The following MMS19 variants were observed in gnomAD, a reference collection of about 807,000 sequenced individuals.
The protein encoded by MMS19 is MMS19 nucleotide excision repair protein homolog.
In MMS19, 77 loss-of-function variants were observed where a neutral mutation model predicts 129.8. That is an observed-to-expected ratio of 0.59 (90% CI 0.49 to 0.72). The LOEUF (loss-of-function observed/expected upper bound fraction) is 0.72. MMS19 is among the 30% of genes least tolerant of loss of function. The pLI is 0.00. For missense variants in MMS19, 1,168 were observed against 1,266.3 expected, an observed-to-expected ratio of 0.92 and a Z score of 1.18; for synonymous variants, 491 against 502.8, an observed-to-expected ratio of 0.98 and a Z score of 0.31.
At chr10:97,465,617 A>C (rs1387058066) in intron 18 of MMS19, among the ~76,000 whole-genome samples, 188 bp downstream of exon 18, 3 of 152,258 alleles carry the variant, frequency 2.0e-5, no homozygotes, top group African/African-American at 7.2e-5. Flanking sequence ...TACTCTTAAT[A>C]GTACTGTTGC....
At position 97,463,957 on chromosome 10, in the gene MMS19, T is replaced by C. The variant is rs1452607659; in HGVS notation, c.1813A>G (p.Met605Val). 9 of 1,613,178 alleles carry C rather than the reference T, an allele frequency of 5.6e-6. No homozygotes were observed. Among genetic ancestry groups the C allele is most frequent in the Non-Finnish European group, 7.6e-6 (9 of 1,179,590 alleles). Residue 605 changes from methionine (M) to valine (V), a missense_variant, in exon 19 of 31, where the codon ATG (methionine) becomes GTG (valine). Transcript: ENST00000438925. ...VIAVCQSLRQ[M>V]AEKCQQDPES... The stretch of plus-strand genomic sequence containing the variant: ...GGGTCCTGCTGACATTTTTCTGCCA[T>C]CTGTCTGAGGCTCTGACAGACAGCA...
chr10:97,466,977 C>A, intron 14 of MMS19, 76 bp from the exon 15 acceptor site: 2 of 1,558,414 alleles, frequency 1.3e-6, no homozygotes, highest in South Asian at 1.1e-5. Context: ...GATACACAGC[C>A]AACCTGGGGT....
At chr10:97,466,181 G>C (rs1420347104) in intron 16 of MMS19, 22 bp from the exon 17 acceptor site, 1 of 1,544,976 alleles carries the variant, frequency 6.5e-7, no homozygotes, top group Admixed American at 2.0e-5. Flanking sequence ...GAGCAGATAA[G>C]CATTGGCTGA....
intron 25 of MMS19, 109 bp downstream of exon 25, chr10:97,460,586 A>G (rs2031522776): frequency 5.1e-6 from 5 of 971,896 alleles, no homozygotes; most frequent in Admixed American, 2.2e-5. Context: ...AAGAAAAAAG[A>G]AAAGAAAACA....
chr10:97,492,801 G>A (rs2039136960), intron 1 of MMS19, among the ~76,000 whole-genome samples: 1 of 146,926 alleles, frequency 6.8e-6, no homozygotes. Context: ...TAAAGTTGCA[G>A]TGAGCCAAGA....
chr10:97,465,704 G>T, intron 18 of MMS19, 101 bp downstream of exon 18: 2 of 1,167,234 alleles, frequency 1.7e-6, no homozygotes, highest in Non-Finnish European at 2.4e-6. Context: ...TAAAAGAGTT[G>T]ATTCTGTTAC....
upstream of MMS19, chr10:97,498,690 A>C: frequency 2.4e-6 from 1 of 421,468 alleles, no homozygotes; most frequent in Non-Finnish European, 4.3e-6. Flanking sequence ...GAGGGGCGGT[A>C]CGCACCACGG....
intron 1 of MMS19, among the ~76,000 whole-genome samples, chr10:97,486,798 C>T (rs1344463327): frequency 1.4e-5 from 2 of 142,636 alleles, no homozygotes; most frequent in East Asian, 2.0e-4. Flanking sequence ...TTAAGATAAT[C>T]GCCATAAAAA....
At chr10:97,491,333 G>A (rs953266603) in intron 1 of MMS19, among the ~76,000 whole-genome samples, 5 of 152,184 alleles carry the variant, frequency 3.3e-5, no homozygotes, top group African/African-American at 9.7e-5. Flanking sequence ...TGCCAAATAG[G>A]GCCCATTCAG....
intron 1 of MMS19, among the ~76,000 whole-genome samples, chr10:97,493,194 A>G (rs2039221498): frequency 6.6e-6 from 1 of 152,032 alleles, no homozygotes; most frequent in African/African-American, 2.4e-5. Context: ...AGATTTTTGT[A>G]GAGACAAGGT....
rs190083978 is a variant in MMS19, at chr10:97,473,568, C to T, written c.685-2707G>A. Among the ~76,000 whole-genome samples the T allele has an allele frequency of 5.3e-5, 8 of 150,732 alleles. No individual in the cohort carries two copies. In the South Asian group the frequency reaches 1.1e-3, roughly 20 times the overall value. The stretch of plus-strand genomic sequence containing the variant: ...AAAAGGATAAGGGAATCTAGGATGA[C>T]GGTGAAGGAAGAACCAATATCTACT... On this transcript the variant is annotated intron_variant, in intron 8 of 30. Transcript: ENST00000438925.
chr10:97,494,139 G>A (rs188218767), intron 1 of MMS19, among the ~76,000 whole-genome samples: 3 of 152,270 alleles, frequency 2.0e-5, no homozygotes, highest in African/African-American at 4.8e-5. Context: ...CGGTATTTTC[G>A]CTGGTATCAA....
At chr10:97,473,174 T>C (rs7090757) in intron 8 of MMS19, among the ~76,000 whole-genome samples, 33,754 of 151,764 alleles carry the variant, frequency 0.22, 4,036 homozygotes, top group Non-Finnish European at 0.27. Context: ...TAGCTGAGAT[T>C]ACAGGCGCCT....
At chr10:97,475,765 CA>C (rs1349655998) in intron 8 of MMS19, among the ~76,000 whole-genome samples, 1 of 151,906 alleles carries the variant, frequency 6.6e-6, no homozygotes, top group African/African-American at 2.4e-5. Flanking sequence ...CCAAAACAAA[CA>C]AAAAAGAAAC....
Position 97,461,085 on chromosome 10 carries a change from G to A in MMS19, c.2312-78C>T, listed in dbSNP as rs2031747702. The A allele has an allele frequency of 5.1e-6, 6 of 1,185,202 alleles. No homozygotes were observed. The African/African-American group carries it at 6.1e-5, about 12-fold the overall frequency. 73.4% of individuals were successfully genotyped at this position (1,185,202 alleles called of 1,614,324 possible). Reference sequence around the variant, plus strand: ...CAATGAAATGCAAATCACTTTAAGTGCAGAGCTCCCTGAGAAGCTGTTAGA... The same window carrying A: ...CAATGAAATGCAAATCACTTTAAGTACAGAGCTCCCTGAGAAGCTGTTAGA... On this transcript the variant is annotated intron_variant, in intron 23 of 30. Coordinates refer to ENST00000438925, the MANE Select transcript of MMS19 (RefSeq NM_022362.5).
At chr10:97,459,550 G>A in intron 27 of MMS19, 24 bp from the exon 28 acceptor site, 1 of 1,608,578 alleles carries the variant, frequency 6.2e-7, no homozygotes, top group South Asian at 1.1e-5. Context: ...GGCAAGGTAG[G>A]GGATGGCCAC....
At chr10:97,492,335 C>T (rs2039050785) in intron 1 of MMS19, among the ~76,000 whole-genome samples, 2 of 150,518 alleles carry the variant, frequency 1.3e-5, no homozygotes, top group Admixed American at 1.3e-4. Context: ...ATTAGCTGGG[C>T]GTGGTGGCGG....
chr10:97,494,540 T>C (rs1247965444), intron 1 of MMS19, among the ~76,000 whole-genome samples: 3 of 152,178 alleles, frequency 2.0e-5, no homozygotes, highest in East Asian at 1.9e-4. Context: ...CTAAACTGTA[T>C]TTTACTGTTC....
At chr10:97,490,846 C>T (rs2038741658) in intron 1 of MMS19, among the ~76,000 whole-genome samples, 1 of 152,132 alleles carries the variant, frequency 6.6e-6, no homozygotes, top group African/African-American at 2.4e-5. Context: ...CCACTTGTGC[C>T]AGGATGTGGA....
Sources: gnomAD v4.1 joint callset for allele counts (sites outside exome capture counted in the v4.1 genomes callset) on GRCh38, gnomAD v4.1.1 for gene constraint, MANE v1.5 for transcripts, NCBI Gene and HGNC (gene_info 2026-07-23, HGNC 2026-07-21) for gene names.